The following AMOTL1 variants were observed in gnomAD, a reference collection of about 807,000 sequenced individuals.
AMOTL1 encodes the protein angiomotin like 1.
In AMOTL1, 45 loss-of-function variants were observed where a neutral mutation model predicts 102.9. The observed-to-expected ratio is 0.44, with a 90% CI of 0.34 to 0.56. The LOEUF (loss-of-function observed/expected upper bound fraction) is 0.56. Ranked by LOEUF, AMOTL1 falls within the 20% of genes least tolerant of loss-of-function variation. The pLI is 0.01. For synonymous variants in AMOTL1, 481 were observed against 484.7 expected (o/e 0.99, Z 0.10); for missense variants, 1,114 against 1,225.6 (o/e 0.91, Z 1.36).
intron 1 of AMOTL1, among the ~76,000 whole-genome samples, chr11:94,783,197 T>C (rs1951136055): frequency 6.6e-6 from 1 of 152,228 alleles, no homozygotes; most frequent in South Asian, 2.1e-4. Context: ...CTAGTCAAGT[T>C]ACTCTCAGTG....
intron 9 of AMOTL1, 99 bp downstream of exon 9, chr11:94,859,814 A>C: frequency 7.8e-7 from 1 of 1,274,300 alleles, no homozygotes; most frequent in African/African-American, 1.5e-5. Flanking sequence ...CATCCTAGGG[A>C]GTGAAGTCAG....
At chr11:94,847,648 T>C (rs368541978) in intron 6 of AMOTL1, among the ~76,000 whole-genome samples, 6 of 151,998 alleles carry the variant, frequency 3.9e-5, no homozygotes, top group Non-Finnish European at 8.8e-5. Flanking sequence ...GTAGTGAGCC[T>C]AGGATTTGAA....
chr11:94,797,366 A>AT (rs1419172527), intron 2 of AMOTL1, among the ~76,000 whole-genome samples: 1 of 152,174 alleles, frequency 6.6e-6, no homozygotes, highest in Non-Finnish European at 1.5e-5. Flanking sequence ...AATGGGCTAA[A>AT]TTTTTTATTT....
chr11:94,797,931 G>A (rs551467857), intron 2 of AMOTL1, among the ~76,000 whole-genome samples: 2 of 152,160 alleles, frequency 1.3e-5, no homozygotes, highest in Non-Finnish European at 2.9e-5. Flanking sequence ...GGAGTGACAT[G>A]ATTAGATTTC....
chr11:94,787,729 A>T (rs1415595783), intron 1 of AMOTL1, among the ~76,000 whole-genome samples: 4 of 120,518 alleles, frequency 3.3e-5, no homozygotes, highest in Non-Finnish European at 5.2e-5. Flanking sequence ...AAAAAAAAAG[A>T]TACAAAACAA....
rs1011452541 is a variant in AMOTL1 at position 94,854,070 on chromosome 11, G to A, written c.1932G>A (p.Leu644=). 13 of 1,548,090 alleles carry A rather than the reference G, an allele frequency of 8.4e-6. No homozygotes were observed. The highest frequency in any genetic ancestry group is 1.1e-5 in the Non-Finnish European group (13 of 1,144,374). Residue 644 remains leucine, a synonymous_variant, in exon 8 of 13, where the codon CTG becomes CTA. Coordinates refer to ENST00000433060, the MANE Select transcript of AMOTL1 (RefSeq NM_130847.3). ...RTWLERELDA[L]RTQQKHGNGQ... ...GGCTGGAGAGAGAGCTGGATGCACT[G>A]AGAACCCAGCAGGTAAGGAACTGGG...
upstream of AMOTL1, among the ~76,000 whole-genome samples, chr11:94,767,195 T>G (rs112895061): frequency 3.7e-4 from 56 of 150,662 alleles, no homozygotes; most frequent in African/African-American, 1.3e-3. Flanking sequence ...TCAGCTGCTC[T>G]AAGTTTCTTT....
chr11:94,844,816 A>G (rs561975846), intron 6 of AMOTL1, among the ~76,000 whole-genome samples: 7 of 152,342 alleles, frequency 4.6e-5, no homozygotes, highest in African/African-American at 1.7e-4. Context: ...CCATATTCAA[A>G]CCATAGCAAA....
At chr11:94,854,703 G>T (rs956441836) in intron 8 of AMOTL1, among the ~76,000 whole-genome samples, 2 of 152,124 alleles carry the variant, frequency 1.3e-5, no homozygotes, top group Non-Finnish European at 1.5e-5. Flanking sequence ...AGTTGCAGAG[G>T]CCAGCCTGAA....
At chr11:94,749,387 G>A (rs1950625076) in intron 3 of AMOTL1, among the ~76,000 whole-genome samples, 2 of 152,200 alleles carry the variant, frequency 1.3e-5, no homozygotes, top group Non-Finnish European at 1.5e-5. Context: ...ATTGGATGGT[G>A]CCTATCCACA....
At chr11:94,853,398 T>C (rs1274782995) in intron 7 of AMOTL1, among the ~76,000 whole-genome samples, 1 of 151,702 alleles carries the variant, frequency 6.6e-6, no homozygotes, top group Non-Finnish European at 1.5e-5. Context: ...GAACATGTGG[T>C]GTTTAGTTTT....
intron 2 of AMOTL1, among the ~76,000 whole-genome samples, chr11:94,797,990 G>C (rs1951400293): frequency 6.6e-6 from 1 of 152,192 alleles, no homozygotes. Flanking sequence ...ATTGGGGTCA[G>C]AGGGGTGGGT....
chr11:94,799,781 G>A lies in AMOTL1; in HGVS notation c.591G>A (p.Gln197=). ...CCACTTACGAGGAGGCCAAAGCACAGTCGCAGTTCTTCAGGGGGCAGCAGC... is the reference window on the plus strand; with the variant it reads ...CCACTTACGAGGAGGCCAAAGCACAATCGCAGTTCTTCAGGGGGCAGCAGC... ...ELPTYEEAKA[Q]SQFFRGQQQQ... is the part of the protein sequence containing the mutation. The change falls in exon 3 of 13, where the codon CAG becomes CAA. Residue 197 remains glutamine, a synonymous_variant. Transcript: ENST00000433060. This position sits in a 1 kb window ranked among gnomAD's most constrained non-coding sequence, Gnocchi z 4.5. 6.2e-7 allele frequency: 1 copy of A among 1,605,356 alleles called. No individual in the cohort carries two copies. Among genetic ancestry groups the A allele is most frequent in the Non-Finnish European group, 8.5e-7 (1 of 1,175,054 alleles).
At position 94,797,670 on chromosome 11, in the gene AMOTL1, C is replaced by A. The variant is rs151132629; in HGVS notation, c.200-1720C>A. On this transcript the variant is annotated intron_variant, in intron 2 of 12. Coordinates refer to ENST00000433060, the MANE Select transcript of AMOTL1 (RefSeq NM_130847.3). ...AGCTATCACTTGTCCAATAATTTTC[C>A]CAAGAGATATGGTGAGATGCATTTT... 3.5e-3 allele frequency among the ~76,000 whole-genome samples: 539 copies of A among 152,232 alleles called. 7 individuals carry two copies. Among genetic ancestry groups the A allele is most frequent in the African/African-American group, 0.012 (499 of 41,522 alleles).
At chr11:94,748,092 G>A (rs1444718791) in intron 3 of AMOTL1, among the ~76,000 whole-genome samples, 1 of 152,182 alleles carries the variant, frequency 6.6e-6, no homozygotes, top group African/African-American at 2.4e-5. Flanking sequence ...TGGGCCATGT[G>A]GGTGCTTGGT....
In AMOTL1 at chr11:94,795,170, T is replaced by C. The variant is rs772123658; in HGVS notation, c.199+10T>C. The stretch of plus-strand genomic sequence containing the variant: ...ATCAGGGAAAAAGTTGGTAAGTCCT[T>C]TTACCGGCACTTGTGTTGGAAAAGC... On this transcript the variant is annotated intron_variant, in intron 2 of 12. Transcript: ENST00000433060. 6.2e-7 allele frequency: 1 copy of C among 1,613,004 alleles called. No individual in the cohort carries two copies. The highest frequency in any genetic ancestry group is 1.1e-5 in the South Asian group (1 of 90,680).
At chr11:94,735,034 A>C (rs1565332521) in intron 2 of AMOTL1, among the ~76,000 whole-genome samples, 1 of 152,210 alleles carries the variant, frequency 6.6e-6, no homozygotes, top group Non-Finnish European at 1.5e-5. Flanking sequence ...TGGAGAAAGA[A>C]GCATATCTGT....
intron 3 of AMOTL1, among the ~76,000 whole-genome samples, chr11:94,762,018 T>C (rs1591939863): frequency 6.6e-6 from 1 of 152,342 alleles, no homozygotes; most frequent in East Asian, 1.9e-4. Context: ...TCAGCTATTG[T>C]GAAACTCCTT....
chr11:94,752,421 A>T (rs947644325), intron 3 of AMOTL1, among the ~76,000 whole-genome samples: 1 of 152,214 alleles, frequency 6.6e-6, no homozygotes, highest in Non-Finnish European at 1.5e-5. Context: ...CCTTGGCAAA[A>T]TGGGGAAAAC....
Sources: allele counts gnomAD v4.1 joint callset (sites outside exome capture counted in the v4.1 genomes callset), GRCh38; gene constraint gnomAD v4.1.1; non-coding constraint Gnocchi (gnomAD v3.1); transcripts MANE v1.5; gene names NCBI Gene and HGNC (gene_info 2026-07-23, HGNC 2026-07-21).